The following SHTN1 variants were observed in gnomAD, a reference collection of about 807,000 sequenced individuals.
SHTN1 encodes the protein shootin-1.
Under a neutral mutation model 83.1 loss-of-function variants are expected in SHTN1, and 42 were observed. The ratio of observed to expected loss-of-function variants is 0.51; its 90% CI spans 0.39 to 0.65. The LOEUF (loss-of-function observed/expected upper bound fraction) is 0.65. Among genes scored for constraint, SHTN1 ranks in the 30% least tolerant of loss-of-function variants. SHTN1 has a pLI of 0.00. For missense variants in SHTN1, 622 were observed against 737.8 expected, an observed-to-expected ratio of 0.84 and a Z score of 1.82; for synonymous variants, 224 against 247.7, an observed-to-expected ratio of 0.90 and a Z score of 0.90.
At chr10:117,093,029 A>C (rs1853456260) in intron 1 of SHTN1, among the ~76,000 whole-genome samples, 1 of 152,206 alleles carries the variant, frequency 6.6e-6, no homozygotes, top group South Asian at 2.1e-4. Flanking sequence ...TAAATGCTTC[A>C]GACTCTACAA....
At chr10:117,082,468 T>C (rs1853285703) in intron 1 of SHTN1, among the ~76,000 whole-genome samples, 1 of 151,338 alleles carries the variant, frequency 6.6e-6, no homozygotes, top group African/African-American at 2.4e-5. Context: ...ATGTGGTCAA[T>C]TTTGGAATAG....
At chr10:116,906,324 T>C (rs1847970757) in intron 15 of SHTN1, among the ~76,000 whole-genome samples, 1 of 152,230 alleles carries the variant, frequency 6.6e-6, no homozygotes, top group Non-Finnish European at 1.5e-5. Flanking sequence ...AGCCTGTACT[T>C]GATGCTATAT....
intron 11 of SHTN1, among the ~76,000 whole-genome samples, chr10:116,923,983 A>G (rs1005286228): frequency 6.6e-6 from 1 of 152,206 alleles, no homozygotes; most frequent in African/African-American, 2.4e-5. Flanking sequence ...CCCATAAAGC[A>G]TAGTAAAAAG....
intron 3 of SHTN1, among the ~76,000 whole-genome samples, chr10:116,962,988 A>G (rs1350697327): frequency 6.7e-6 from 1 of 150,366 alleles, no homozygotes; most frequent in African/African-American, 2.4e-5. Context: ...CGCAAAACAG[A>G]AATACTTTTA....
At chr10:116,892,861 A>G (rs1847380675) in intron 16 of SHTN1, among the ~76,000 whole-genome samples, 1 of 152,226 alleles carries the variant, frequency 6.6e-6, no homozygotes, top group South Asian at 2.1e-4. Flanking sequence ...AAAAGGAAAC[A>G]TAAACACTGT....
At chr10:116,998,420 TGAGAGA>T (rs375326690) in intron 1 of SHTN1, among the ~76,000 whole-genome samples, 6 of 150,904 alleles carry the variant, frequency 4.0e-5, no homozygotes, top group Non-Finnish European at 8.9e-5. Flanking sequence ...CAAGATATTT[TGAGAGA>T]GAGAGAGAGA....
chr10:117,105,928 C>T (rs1029095321), intron 1 of SHTN1, among the ~76,000 whole-genome samples: 3 of 152,090 alleles, frequency 2.0e-5, no homozygotes, highest in South Asian at 2.1e-4. Context: ...GTGGGAGGAT[C>T]GCTTGAGCCT....
chr10:117,115,300 C>CCTTGCAATACTGCCTTGCAATA (rs1412204189), intron 1 of SHTN1, among the ~76,000 whole-genome samples: 28 of 152,108 alleles, frequency 1.8e-4, no homozygotes, highest in African/African-American at 2.7e-4. Context: ...AAAAATAACA[C>CCTTGCAATACTGCCTTGCAATA]CTGCCTTGCA....
intron 1 of SHTN1, among the ~76,000 whole-genome samples, chr10:117,103,778 C>T (rs906510861): frequency 3.9e-5 from 6 of 152,046 alleles, no homozygotes; most frequent in East Asian, 1.9e-4. Flanking sequence ...CCTCATGATC[C>T]GCCCTCCTTG....
At chr10:117,094,460 T>C (rs1387352944) in intron 1 of SHTN1, among the ~76,000 whole-genome samples, 2 of 152,192 alleles carry the variant, frequency 1.3e-5, no homozygotes, top group Non-Finnish European at 2.9e-5. Flanking sequence ...TAGATAAAAA[T>C]AGGTCTGGAG....
chr10:117,100,007 G>A (rs1369406595), intron 1 of SHTN1, among the ~76,000 whole-genome samples: 4 of 151,892 alleles, frequency 2.6e-5, no homozygotes, highest in Admixed American at 6.6e-5. Flanking sequence ...GAGAAACCCC[G>A]TCTCTACTAA....
intron 1 of SHTN1, among the ~76,000 whole-genome samples, chr10:117,114,993 G>T (rs1168566527): frequency 6.6e-6 from 1 of 152,162 alleles, no homozygotes; most frequent in East Asian, 1.9e-4. Flanking sequence ...CTGTGCCACT[G>T]TTTGCCCAAA....
chr10:116,892,578 A>G (rs2133305676), intron 16 of SHTN1, among the ~76,000 whole-genome samples: 1 of 152,356 alleles, frequency 6.6e-6, no homozygotes, highest in East Asian at 1.9e-4. Context: ...TGCACAAAAT[A>G]CTTGCATTTT....
chr10:117,043,536 T>C (rs1055827528), intron 2 of SHTN1, among the ~76,000 whole-genome samples: 18 of 152,188 alleles, frequency 1.2e-4, no homozygotes, highest in African/African-American at 4.3e-4. Context: ...TTCTTTTTAA[T>C]GACTCAATAA....
At chr10:116,936,003 G>A (rs945918786) in intron 9 of SHTN1, among the ~76,000 whole-genome samples, 7 of 151,970 alleles carry the variant, frequency 4.6e-5, no homozygotes, top group South Asian at 2.1e-4. Flanking sequence ...CTGTGGGATC[G>A]GTGGTGATCT....
intron 1 of SHTN1, among the ~76,000 whole-genome samples, chr10:117,111,843 T>C (rs915277937): frequency 1.3e-5 from 2 of 152,190 alleles, no homozygotes; most frequent in African/African-American, 4.8e-5. Context: ...AGGTTGTAAA[T>C]GTGAATCCAG....
At position 117,065,826 on chromosome 10, in the gene SHTN1, A is replaced by G. The variant is rs1241879557; in HGVS notation, c.-188-17316T>C. Among the ~76,000 whole-genome samples, 93 of 81,774 alleles carry G rather than the reference A, an allele frequency of 1.1e-3. 2 individuals carry two copies. The highest frequency in any genetic ancestry group is 1.8e-3 in the Non-Finnish European group (74 of 40,946). 53.6% of individuals were successfully genotyped at this position (81,774 alleles called of 152,430 possible). The stretch of plus-strand genomic sequence containing the variant: ...GAAGGAAGGAAGGAAGGAAGGAAGG[A>G]AGGAAGGAAGGAAGGAAGGAAGGAA... On this transcript the variant is annotated intron_variant, in intron 1 of 17. Transcript: ENST00000392901.
intron 13 of SHTN1, among the ~76,000 whole-genome samples, chr10:116,914,849 G>C (rs187550534): frequency 6.6e-6 from 1 of 152,146 alleles, no homozygotes; most frequent in Non-Finnish European, 1.5e-5. Context: ...AAGTGACTTG[G>C]AAAACATTTG....
rs1853562759 is a variant in SHTN1, at chr10:117,099,857, GAATA to G, written c.-189+26446_-189+26449del. ...CTGCACCTCTATGAGCCTATAAAAT[GAATA>G]AATGTCTATCAGTTTGTCATAAAGA... On this transcript the variant is annotated intron_variant, in intron 1 of 17. Coordinates refer to the SHTN1 transcript ENST00000392901. Among the ~76,000 whole-genome samples, 3 of 152,186 alleles carry G rather than the reference GAATA, an allele frequency of 2.0e-5. No individual in the cohort carries two copies. The South Asian group carries it at 6.2e-4, about 32-fold the overall frequency.
Sources: gnomAD v4.1 joint callset for allele counts (sites outside exome capture counted in the v4.1 genomes callset) on GRCh38, gnomAD v4.1.1 for gene constraint, MANE v1.5 for transcripts, NCBI Gene and HGNC (gene_info 2026-07-23, HGNC 2026-07-21) for gene names.